OSBPL8: variants seen among roughly 807,000 people sequenced by gnomAD.
The protein encoded by OSBPL8 is oxysterol-binding protein-related protein 8.
Under a neutral mutation model 125.5 loss-of-function variants are expected in OSBPL8, and 59 were observed. The observed-to-expected ratio is 0.47, with a 90% CI of 0.38 to 0.58. The LOEUF (loss-of-function observed/expected upper bound fraction) is 0.58. OSBPL8 is among the 20% of genes least tolerant of loss of function. The probability of loss-of-function intolerance (pLI) is 0.00; values close to 1 mark genes in which losing one functional copy is unlikely to be tolerated. For synonymous variants in OSBPL8, 330 were observed against 338.9 expected, an observed-to-expected ratio of 0.97 and a Z score of 0.29; for missense variants, 758 against 1,047.8, an observed-to-expected ratio of 0.72 and a Z score of 3.82.
At chr12:76,478,945 T>C (rs1294147963) in intron 2 of OSBPL8, among the ~76,000 whole-genome samples, 7 of 151,752 alleles carry the variant, frequency 4.6e-5, no homozygotes, top group African/African-American at 1.7e-4. Flanking sequence ...ATTAGCCGGG[T>C]GTGATGGCAG....
rs752813761 is a variant in OSBPL8 at position 76,356,031 on chromosome 12, T to A, written c.2538-10A>T. ...AAGAGCCATAATATTTCTATAAAAA[T>A]AAGCAACAACAAATTTTGTAATGAT... is the stretch of plus-strand genomic sequence containing the variant. On this transcript the variant is annotated splice_polypyrimidine_tract_variant and intron_variant, in intron 23 of 23. Transcript: ENST00000261183. 1.2e-6 allele frequency: 2 copies of A among 1,600,464 alleles called. No individual in the cohort carries two copies. Among genetic ancestry groups the A allele is most frequent in the Non-Finnish European group, 8.5e-7 (1 of 1,175,790 alleles).
At chr12:76,386,990 T>C (rs972389681) in intron 12 of OSBPL8, among the ~76,000 whole-genome samples, 1 of 152,182 alleles carries the variant, frequency 6.6e-6, no homozygotes, top group African/African-American at 2.4e-5. Context: ...AAAATTGTGA[T>C]TGAAAAAAAT....
chr12:76,402,601 C>T, intron 6 of OSBPL8, 88 bp downstream of exon 6: 1 of 921,360 alleles, frequency 1.1e-6, no homozygotes, highest in East Asian at 2.6e-5. Flanking sequence ...TTTAGGAACA[C>T]ACATATATAT....
chr12:76,464,393 G>C (rs75413870), intron 2 of OSBPL8, among the ~76,000 whole-genome samples: 2 of 151,952 alleles, frequency 1.3e-5, no homozygotes, highest in African/African-American at 2.4e-5. Context: ...TAAGTACATC[G>C]ATAAGATATA....
chr12:76,522,720 A>G (rs957270762), intron 1 of OSBPL8, among the ~76,000 whole-genome samples: 3 of 152,230 alleles, frequency 2.0e-5, no homozygotes, highest in Admixed American at 1.3e-4. Context: ...TGAGCTAAAC[A>G]AACCTCTTTT....
chr12:76,473,166 G>A (rs1876385781), intron 2 of OSBPL8, among the ~76,000 whole-genome samples: 1 of 151,924 alleles, frequency 6.6e-6, no homozygotes, highest in Admixed American at 6.6e-5. Flanking sequence ...GTGTGGCCTG[G>A]TTTTTCCTAG....
chr12:76,452,415 A>G (rs1873530004), intron 3 of OSBPL8, among the ~76,000 whole-genome samples: 1 of 152,074 alleles, frequency 6.6e-6, no homozygotes, highest in Admixed American at 6.5e-5. Context: ...TTACATACCC[A>G]ACTGCCTGCC....
chr12:76,418,921 T>C (rs975853411), intron 4 of OSBPL8, among the ~76,000 whole-genome samples: 5 of 151,906 alleles, frequency 3.3e-5, no homozygotes, highest in Non-Finnish European at 5.9e-5. Context: ...TAAGAAATAA[T>C]AATGGATTCA....
At position 76,386,164 on chromosome 12, in the gene OSBPL8, A is replaced by C. The variant is rs755379022; in HGVS notation, c.1533+4T>G. On this transcript the variant is annotated splice_donor_region_variant and intron_variant, in intron 14 of 23. Coordinates refer to ENST00000261183, the MANE Select transcript of OSBPL8 (RefSeq NM_020841.5). The stretch of plus-strand genomic sequence containing the variant: ...TTTTGTTTCCATACATGCATTTCTA[A>C]TACCTGTTCAGCAATATAAAAAGTT... The C allele has an allele frequency of 1.9e-6, 3 of 1,605,294 alleles. No individual in the cohort carries two copies. The South Asian group carries it at 3.4e-5, about 18-fold the overall frequency.
intron 1 of OSBPL8, among the ~76,000 whole-genome samples, chr12:76,530,240 T>C (rs1950299344): frequency 9.3e-6 from 1 of 107,990 alleles, no homozygotes; most frequent in African/African-American, 3.8e-5. Context: ...TTTTTTTTTT[T>C]TGTAGAAAAG....
intron 1 of OSBPL8, among the ~76,000 whole-genome samples, chr12:76,506,644 T>C (rs1880446337): frequency 6.6e-6 from 1 of 151,992 alleles, no homozygotes; most frequent in African/African-American, 2.4e-5. Context: ...AATCACTAAC[T>C]AAAAAAGGAA....
intron 4 of OSBPL8, among the ~76,000 whole-genome samples, chr12:76,412,835 T>C (rs961904694): frequency 1.3e-5 from 2 of 152,210 alleles, no homozygotes; most frequent in Non-Finnish European, 2.9e-5. Context: ...ACTCATGCTG[T>C]TTCTACAATG....
intron 1 of OSBPL8, among the ~76,000 whole-genome samples, chr12:76,500,458 T>C (rs575999251): frequency 1.7e-4 from 26 of 152,364 alleles, no homozygotes; most frequent in African/African-American, 5.8e-4. Context: ...TTCTCTTGAT[T>C]CTTGAACTTC....
At chr12:76,433,250 T>G (rs910127578) in intron 4 of OSBPL8, among the ~76,000 whole-genome samples, 10 of 151,558 alleles carry the variant, frequency 6.6e-5, no homozygotes, top group African/African-American at 2.4e-4. Context: ...GAAAAAGAAA[T>G]AAAAGGTGTC....
chr12:76,391,793 A>C (rs1331369424), intron 10 of OSBPL8, among the ~76,000 whole-genome samples: 2 of 151,476 alleles, frequency 1.3e-5, no homozygotes, highest in East Asian at 3.9e-4. Flanking sequence ...TACAGACAGA[A>C]AAAAAAAAGA....
intron 4 of OSBPL8, among the ~76,000 whole-genome samples, chr12:76,444,320 T>C (rs2136680661): frequency 6.6e-6 from 1 of 152,300 alleles, no homozygotes; most frequent in East Asian, 1.9e-4. Flanking sequence ...ATACCTATTA[T>C]AATAACAATA....
chr12:76,389,459 G>T (rs1317419290), intron 12 of OSBPL8, among the ~76,000 whole-genome samples, 186 bp downstream of exon 12: 1 of 152,236 alleles, frequency 6.6e-6, no homozygotes, highest in Non-Finnish European at 1.5e-5. Flanking sequence ...CTTCATAAAT[G>T]GCAACATTAT....
intron 16 of OSBPL8, among the ~76,000 whole-genome samples, chr12:76,376,416 T>C (rs979843917): frequency 6.6e-6 from 1 of 152,194 alleles, no homozygotes; most frequent in African/African-American, 2.4e-5. Flanking sequence ...CAAAACAATT[T>C]GTGAGACTAG....
chr12:76,372,137 T>C (rs536370001), intron 18 of OSBPL8, among the ~76,000 whole-genome samples: 2 of 152,284 alleles, frequency 1.3e-5, no homozygotes, highest in African/African-American at 4.8e-5. Context: ...ATTTTACCTA[T>C]CTAATTTATC....
Sources: gnomAD v4.1 joint callset for allele counts (sites outside exome capture counted in the v4.1 genomes callset) on GRCh38, gnomAD v4.1.1 for gene constraint, MANE v1.5 for transcripts, NCBI Gene and HGNC (gene_info 2026-07-23, HGNC 2026-07-21) for gene names.